The following SYPL1 variants were observed in gnomAD, a reference collection of about 807,000 sequenced individuals.
The protein encoded by SYPL1 is synaptophysin like 1, also known as synaptophysin-like protein 1.
SYPL1 carries 6 observed loss-of-function variants against 23.7 expected under a neutral mutation model. The ratio of observed to expected loss-of-function variants is 0.25; its 90% CI spans 0.14 to 0.50. SYPL1 has a LOEUF of 0.50. SYPL1 is among the 20% of genes least tolerant of loss of function. SYPL1 has a pLI of 0.98. For synonymous variants in SYPL1, 102 were observed against 104.5 expected (o/e 0.98, Z 0.15); for missense variants, 253 against 288.9 (o/e 0.88, Z 0.90).
At position 106,100,410 on chromosome 7, in the gene SYPL1, C is replaced by T. The variant is rs913108141; in HGVS notation, c.70-1128G>A. On this transcript the variant is annotated intron_variant, in intron 1 of 4. Coordinates refer to ENST00000455385, the MANE Select transcript of SYPL1 (RefSeq NM_182715.4). This position sits in a 1 kb window ranked among gnomAD's most constrained non-coding sequence, Gnocchi z 5.1. ...GGAGATTAACAACATAGAAAGTGTTCATTACATACAAAGTAGATTTAAACA... is the reference window on the plus strand; with the variant it reads ...GGAGATTAACAACATAGAAAGTGTTTATTACATACAAAGTAGATTTAAACA... Among the ~76,000 whole-genome samples, 40 of 152,232 alleles carry T rather than the reference C, an allele frequency of 2.6e-4. No individual in the cohort carries two copies. Among genetic ancestry groups the T allele is most frequent in the African/African-American group, 9.4e-4 (39 of 41,522 alleles).
At chr7:106,111,476 T>G (rs1346818501) in intron 1 of SYPL1, among the ~76,000 whole-genome samples, 1 of 152,212 alleles carries the variant, frequency 6.6e-6, no homozygotes, top group African/African-American at 2.4e-5. Context: ...AAGCTGACTT[T>G]CTAAACAGGA....
chr7:106,091,950 G>T lies in SYPL1; in HGVS notation c.592-11C>A, dbSNP rs544557917. The T allele has an allele frequency of 7.6e-6, 12 of 1,587,682 alleles. No homozygotes were observed. Among genetic ancestry groups the T allele is most frequent in the Non-Finnish European group, 1.0e-5 (12 of 1,172,944 alleles). On this transcript the variant is annotated splice_polypyrimidine_tract_variant and intron_variant, in intron 4 of 4. Coordinates refer to ENST00000455385, the MANE Select transcript of SYPL1 (RefSeq NM_182715.4). The surrounding 1 kb of genome is among the most constrained non-coding windows in gnomAD (Gnocchi z 5.0). ...TAGAAAGCCAAATATCTATGAAAGA[G>T]AAAAAGAAATATGAAAATCAAATAC...
At chr7:106,101,117 T>A (rs1840286466) in intron 1 of SYPL1, among the ~76,000 whole-genome samples, 1 of 152,112 alleles carries the variant, frequency 6.6e-6, no homozygotes, top group African/African-American at 2.4e-5. Context: ...CCACACTATA[T>A]CAAATAACAG....
At position 106,112,119 on chromosome 7, in the gene SYPL1, GC is replaced by G; in HGVS notation, c.69+20del. 6.9e-7 allele frequency: 1 copy of G among 1,441,378 alleles called. No homozygotes were observed. The highest frequency in any genetic ancestry group is 1.4e-5 in the South Asian group (1 of 70,878). 89.3% of individuals were successfully genotyped at this position (1,441,378 alleles called of 1,614,324 possible). A position where few individuals can be genotyped will look rare whatever the true frequency, so the allele number is the denominator to read the frequency against. On this transcript the variant is annotated intron_variant, in intron 1 of 4. Coordinates refer to ENST00000455385, the MANE Select transcript of SYPL1 (RefSeq NM_182715.4). ...CCGCGCCGAGCGGCAGGCGGGCCTG[GC>G]CGGCGCGGGCTGCACTCACCCACTC...
chr7:106,102,444 T>A (rs1222618873), intron 1 of SYPL1, among the ~76,000 whole-genome samples: 1 of 152,188 alleles, frequency 6.6e-6, no homozygotes. Context: ...AACTTTCTCA[T>A]TCTCCGGGGG....
At chr7:106,112,324 T>TCGGAGGCGGGCC (rs1790213182), upstream of SYPL1, 1 of 1,247,022 alleles carries the variant, frequency 8.0e-7, no homozygotes, top group Non-Finnish European at 1.0e-6. Flanking sequence ...CTGGCCGGGC[T>TCGGAGGCGGGCC]CGGAGGCGGG....
Position 106,096,862 on chromosome 7 carries a change from A to G in SYPL1, c.402+828T>C, listed in dbSNP as rs1349629357. On this transcript the variant is annotated intron_variant, in intron 3 of 4. Coordinates refer to ENST00000455385, the MANE Select transcript of SYPL1 (RefSeq NM_182715.4). This position sits in a 1 kb window ranked among gnomAD's most constrained non-coding sequence, Gnocchi z 4.4. ...CTCAACTTTACCATTGCAGTGTGAA[A>G]GCAGCCATAGGCAATGTGTAAATGA... 1.3e-5 allele frequency among the ~76,000 whole-genome samples: 2 copies of G among 152,212 alleles called. No individual in the cohort carries two copies. Among genetic ancestry groups the G allele is most frequent in the Non-Finnish European group, 2.9e-5 (2 of 68,042 alleles).
intron 4 of SYPL1, 160 bp downstream of exon 4, chr7:106,092,789 C>A: frequency 1.6e-6 from 1 of 633,910 alleles, no homozygotes; most frequent in Non-Finnish European, 2.6e-6. Flanking sequence ...TTTTTTTAGA[C>A]AAACTTTTCT....
chr7:106,110,011 C>T (rs759324686), intron 1 of SYPL1, among the ~76,000 whole-genome samples: 9 of 152,106 alleles, frequency 5.9e-5, no homozygotes, highest in Non-Finnish European at 8.8e-5. Flanking sequence ...TTAGTCGTAT[C>T]ATTGACTTGT....
rs1000691068 is a variant in SYPL1 at position 106,096,079 on chromosome 7, A to T, written c.402+1611T>A. Among the ~76,000 whole-genome samples, 40 of 152,244 alleles carry T rather than the reference A, an allele frequency of 2.6e-4. No individual in the cohort carries two copies. The highest frequency in any genetic ancestry group is 1.0e-4 in the Non-Finnish European group (7 of 68,030). ...ACAAAATATAATTATCTATAAGATT[A>T]TTCCAGTTCCCTTTTAAATAAGATT... On this transcript the variant is annotated intron_variant, in intron 3 of 4. Coordinates refer to ENST00000455385, the MANE Select transcript of SYPL1 (RefSeq NM_182715.4). The surrounding 1 kb of genome is among the most constrained non-coding windows in gnomAD (Gnocchi z 4.4).
Position 106,112,186 on chromosome 7 carries a change from A to G in SYPL1, c.23T>C (p.Leu8Pro). Reference sequence around the variant, plus strand: ...GCCGAGTGGCTCCTTGAGCGGGTTGAGGTTGATCTGGAAGCCGGACATCCT... The same window carrying G: ...GCCGAGTGGCTCCTTGAGCGGGTTGGGGTTGATCTGGAAGCCGGACATCCT... MSGFQIN[L>P]NPLKEPLGFI... Residue 8 changes from leucine to proline, a missense_variant, in exon 1 of 5, where the codon CTC becomes CCC. Leu to Pro is a moderately conservative substitution (Grantham distance 98). Transcript: ENST00000455385. 1 of 1,543,690 alleles carries G rather than the reference A, an allele frequency of 6.5e-7. No homozygotes were observed. Among genetic ancestry groups the G allele is most frequent in the Non-Finnish European group, 8.8e-7 (1 of 1,137,484 alleles).
intron 1 of SYPL1, among the ~76,000 whole-genome samples, chr7:106,106,682 A>T (rs933619419): frequency 6.6e-5 from 10 of 151,992 alleles, no homozygotes; most frequent in Admixed American, 3.9e-4. Context: ...CTGTCTCTAT[A>T]AAAAATTATA....
intron 2 of SYPL1, 48 bp downstream of exon 2, chr7:106,099,110 T>C: frequency 1.3e-6 from 2 of 1,576,112 alleles, no homozygotes; most frequent in East Asian, 2.2e-5. Context: ...AATGACTCAC[T>C]GTGAAAGTAA....
intron 1 of SYPL1, among the ~76,000 whole-genome samples, chr7:106,107,511 C>T (rs969899812): frequency 1.2e-4 from 19 of 152,214 alleles, no homozygotes; most frequent in East Asian, 3.9e-4. Flanking sequence ...GAGGCCAGGG[C>T]GGACGGACTA....
rs185012100 is a variant in SYPL1, at chr7:106,099,566, T to C, written c.70-284A>G. The stretch of plus-strand genomic sequence containing the variant: ...TCACCACACCTGGCTAATTTTTCTT[T>C]GAATTTTAGTAGAGATGAGGCCTCG... On this transcript the variant is annotated intron_variant, in intron 1 of 4. Coordinates refer to ENST00000455385, the MANE Select transcript of SYPL1 (RefSeq NM_182715.4). Among the ~76,000 whole-genome samples the C allele has an allele frequency of 1.2e-4, 18 of 152,206 alleles. No individual in the cohort carries two copies. In the East Asian group the frequency reaches 2.9e-3, roughly 25 times the overall value.
chr7:106,093,597 A>C, intron 3 of SYPL1, among the ~76,000 whole-genome samples: 1 of 69,930 alleles, frequency 1.4e-5, no homozygotes, highest in Admixed American at 2.1e-4. Context: ...ATCTGATCCT[A>C]CTGCTTTCTT....
chr7:106,110,438 A>T (rs1790085319), intron 1 of SYPL1, among the ~76,000 whole-genome samples: 1 of 152,172 alleles, frequency 6.6e-6, no homozygotes, highest in Non-Finnish European at 1.5e-5. Flanking sequence ...ATACACCTTT[A>T]TCACAGTTTA....
intron 2 of SYPL1, among the ~76,000 whole-genome samples, chr7:106,098,883 C>A (rs1055980579): frequency 3.3e-5 from 5 of 152,170 alleles, no homozygotes; most frequent in African/African-American, 4.8e-5. Flanking sequence ...CATTTCCAAT[C>A]CTCTGTTAGA....
At chr7:106,105,123 T>C (rs1840527048) in intron 1 of SYPL1, among the ~76,000 whole-genome samples, 1 of 152,172 alleles carries the variant, frequency 6.6e-6, no homozygotes, top group Non-Finnish European at 1.5e-5. Context: ...CGCTTCTCCA[T>C]TGTCTTAACA....
Sources: gnomAD v4.1 joint callset for allele counts (sites outside exome capture counted in the v4.1 genomes callset) on GRCh38, gnomAD v4.1.1 for gene constraint, Gnocchi (gnomAD v3.1) non-coding constraint, MANE v1.5 for transcripts, NCBI Gene and HGNC (gene_info 2026-07-23, HGNC 2026-07-21) for gene names.